SSBP2: variants seen among roughly 807,000 people sequenced by gnomAD.
The protein encoded by SSBP2 is single stranded DNA binding protein 2.
SSBP2 carries 17 observed loss-of-function variants against 61.8 expected under a neutral mutation model. The observed-to-expected ratio is 0.28, with a 90% CI of 0.19 to 0.41. The LOEUF is 0.41. SSBP2 is among the 10% of genes least tolerant of loss of function. The probability of loss-of-function intolerance (pLI) is 1.00; values close to 1 mark genes in which losing one functional copy is unlikely to be tolerated. For synonymous variants in SSBP2, 139 were observed against 141.3 expected, an observed-to-expected ratio of 0.98 and a Z score of 0.12; for missense variants, 310 against 458.7, an observed-to-expected ratio of 0.68 and a Z score of 2.96.
intron 1 of SSBP2, among the ~76,000 whole-genome samples, chr5:81,671,523 G>T (rs1282113504): frequency 6.6e-6 from 1 of 152,006 alleles, no homozygotes; most frequent in Admixed American, 6.6e-5. Flanking sequence ...TAACAATTTA[G>T]TACCATAAGG....
intron 3 of SSBP2, among the ~76,000 whole-genome samples, chr5:81,617,602 C>T (rs1480135549): frequency 6.5e-5 from 1 of 15,394 alleles, no homozygotes; most frequent in African/African-American, 2.9e-4. Flanking sequence ...ATACAGAGAA[C>T]GCCACAAAGA....
chr5:81,478,816 T>A (rs895590948), intron 6 of SSBP2, among the ~76,000 whole-genome samples: 1 of 152,194 alleles, frequency 6.6e-6, no homozygotes, highest in African/African-American at 2.4e-5. Context: ...AGTTATACAC[T>A]CTGAACTTTG....
At chr5:81,493,591 TA>T (rs527522159) in intron 5 of SSBP2, among the ~76,000 whole-genome samples, 2 of 151,900 alleles carry the variant, frequency 1.3e-5, no homozygotes, top group African/African-American at 4.8e-5. Context: ...CTATCTCTAG[TA>T]AAAAATACAA....
intron 1 of SSBP2, among the ~76,000 whole-genome samples, chr5:81,749,762 T>C (rs1379296041): frequency 6.6e-6 from 1 of 152,150 alleles, no homozygotes; most frequent in South Asian, 2.1e-4. Context: ...TACACAAGAA[T>C]AGCAGCAAAC....
chr5:81,461,206 G>A, intron 9 of SSBP2, 103 bp from the exon 10 acceptor site: 1 of 864,538 alleles, frequency 1.2e-6, no homozygotes, highest in Non-Finnish European at 1.7e-6. Flanking sequence ...CAGTTACTAT[G>A]CAGTTCTAGT....
intron 1 of SSBP2, among the ~76,000 whole-genome samples, chr5:81,703,503 T>C (rs1393558189): frequency 6.6e-6 from 1 of 152,094 alleles, no homozygotes; most frequent in Non-Finnish European, 1.5e-5. Flanking sequence ...GGCACATGTA[T>C]ACATATGTAA....
intron 3 of SSBP2, among the ~76,000 whole-genome samples, chr5:81,625,172 C>A (rs755389216): frequency 2.0e-5 from 3 of 152,080 alleles, no homozygotes; most frequent in Non-Finnish European, 4.4e-5. Context: ...GACTTATCTC[C>A]TAGAGGAAGA....
At chr5:81,658,919 A>T (rs1750458063) in intron 1 of SSBP2, among the ~76,000 whole-genome samples, 1 of 152,240 alleles carries the variant, frequency 6.6e-6, no homozygotes, top group East Asian at 1.9e-4. Flanking sequence ...GACTAAAGCC[A>T]CATGATTATC....
chr5:81,503,019 A>C (rs1767912194), intron 5 of SSBP2, among the ~76,000 whole-genome samples: 1 of 152,194 alleles, frequency 6.6e-6, no homozygotes, highest in Non-Finnish European at 1.5e-5. Context: ...CAAAGGACAT[A>C]GACACTTTTC....
intron 1 of SSBP2, among the ~76,000 whole-genome samples, chr5:81,666,009 T>G (rs966553133): frequency 6.6e-6 from 1 of 152,176 alleles, no homozygotes; most frequent in African/African-American, 2.4e-5. Context: ...GTTATAGCAG[T>G]GAAACAGGAT....
chr5:81,504,987 A>T (rs1366061293), intron 5 of SSBP2, among the ~76,000 whole-genome samples: 2 of 152,246 alleles, frequency 1.3e-5, no homozygotes, highest in African/African-American at 4.8e-5. Context: ...GTCCCCTAAG[A>T]GTTGGGTGGC....
intron 4 of SSBP2, 120 bp downstream of exon 4, chr5:81,615,353 G>A (rs1745907100): frequency 1.3e-6 from 1 of 758,066 alleles, no homozygotes; most frequent in Non-Finnish European, 2.3e-6. Context: ...CAAGAAAAAA[G>A]AGACCAAACA....
chr5:81,699,640 T>G (rs944559951), intron 1 of SSBP2, among the ~76,000 whole-genome samples: 2 of 152,130 alleles, frequency 1.3e-5, no homozygotes, highest in African/African-American at 4.8e-5. Flanking sequence ...CTTCCTCAAC[T>G]CCGGTCTTGA....
At chr5:81,691,706 G>A (rs138224507) in intron 1 of SSBP2, among the ~76,000 whole-genome samples, 36 of 152,130 alleles carry the variant, frequency 2.4e-4, no homozygotes, top group Admixed American at 1.4e-3. Context: ...TTCCAAACTC[G>A]TTTTAGAAGA....
chr5:81,460,225 C>T (rs752900117), intron 10 of SSBP2, among the ~76,000 whole-genome samples: 2 of 152,104 alleles, frequency 1.3e-5, no homozygotes, highest in South Asian at 2.1e-4. Flanking sequence ...ATCCTCTTTG[C>T]GTAGATGCCC....
At chr5:81,591,427 A>G (rs1345938053) in intron 4 of SSBP2, among the ~76,000 whole-genome samples, 1 of 152,190 alleles carries the variant, frequency 6.6e-6, no homozygotes, top group Non-Finnish European at 1.5e-5. Context: ...AAAACCACAC[A>G]CTGTCAACAG....
chr5:81,449,125 A>G (rs1433273371), intron 10 of SSBP2, among the ~76,000 whole-genome samples: 1 of 152,186 alleles, frequency 6.6e-6, no homozygotes, highest in Non-Finnish European at 1.5e-5. Flanking sequence ...CTGTAAGTAG[A>G]AATATATATA....
At chr5:81,560,091 A>C (rs1253493003) in intron 4 of SSBP2, among the ~76,000 whole-genome samples, 2 of 152,220 alleles carry the variant, frequency 1.3e-5, no homozygotes, top group African/African-American at 4.8e-5. Flanking sequence ...ATATTAAATA[A>C]CAGAATACAA....
chr5:81,444,775 G>A (rs1432015930), intron 12 of SSBP2, among the ~76,000 whole-genome samples: 1 of 151,966 alleles, frequency 6.6e-6, no homozygotes, highest in East Asian at 1.9e-4. Flanking sequence ...TCATTTTAAA[G>A]ACTAATCAAG....
Sources: gnomAD v4.1 joint callset for allele counts (sites outside exome capture counted in the v4.1 genomes callset) on GRCh38, gnomAD v4.1.1 for gene constraint, MANE v1.5 for transcripts, NCBI Gene and HGNC (gene_info 2026-07-23, HGNC 2026-07-21) for gene names.